The following HHAT variants were observed in gnomAD, a reference collection of about 807,000 sequenced individuals.
HHAT encodes the protein hedgehog acyltransferase.
HHAT carries 47 observed loss-of-function variants against 70.8 expected under a neutral mutation model. The observed-to-expected ratio is 0.66, with a 90% CI of 0.53 to 0.85. The LOEUF (loss-of-function observed/expected upper bound fraction) is 0.85, where lower values mean the gene tolerates loss of function less well. HHAT is among the 40% of genes least tolerant of loss of function. The pLI, the probability that HHAT is intolerant of heterozygous loss-of-function variation, is 0.00. For missense variants in HHAT, 609 were observed against 604.8 expected, an observed-to-expected ratio of 1.01 and a Z score of -0.07; for synonymous variants, 228 against 247.6, an observed-to-expected ratio of 0.92 and a Z score of 0.74.
At chr1:210,524,224 T>G (rs970340549) in intron 9 of HHAT, among the ~76,000 whole-genome samples, 2 of 152,168 alleles carry the variant, frequency 1.3e-5, no homozygotes, top group Non-Finnish European at 2.9e-5. Context: ...TGTTAACAGG[T>G]TAGATCTCAC....
chr1:210,493,901 A>T lies in HHAT; in HGVS notation c.1008-19252A>T, dbSNP rs963641493. 4.6e-5 allele frequency among the ~76,000 whole-genome samples: 7 copies of T among 152,334 alleles called. No individual in the cohort carries two copies. The East Asian group carries it at 1.2e-3, about 25-fold the overall frequency. On this transcript the variant is annotated intron_variant, in intron 8 of 11. Transcript: ENST00000261458. Reference sequence around the variant, plus strand: ...TCCCCACCTCAGCCTGGTTGTTATCATCAGACATGTCTTTCTTTGTCAATC... The same window carrying T: ...TCCCCACCTCAGCCTGGTTGTTATCTTCAGACATGTCTTTCTTTGTCAATC...
intron 4 of HHAT, among the ~76,000 whole-genome samples, chr1:210,396,882 G>C (rs894866101): frequency 2.0e-4 from 30 of 152,312 alleles, no homozygotes; most frequent in Admixed American, 7.8e-4. Context: ...GGATGGGGGT[G>C]ATCAGAGGAG....
Position 210,537,791 on chromosome 1 carries a change from T to C in HHAT, c.1043+24603T>C, listed in dbSNP as rs150093295. Among the ~76,000 whole-genome samples the C allele has an allele frequency of 4.0e-3, 602 of 152,308 alleles. 2 individuals carry two copies. Among genetic ancestry groups the C allele is most frequent in the African/African-American group, 0.012 (511 of 41,572 alleles). On this transcript the variant is annotated intron_variant, in intron 9 of 11. Coordinates refer to ENST00000261458, the MANE Select transcript of HHAT (RefSeq NM_018194.6). ...GAGTGTGTTGCTTGAGGAGATTTGA[T>C]TGTTGTTTAAGGAGAAACAGAACAA...
chr1:210,479,535 C>T (rs909692653), intron 8 of HHAT, among the ~76,000 whole-genome samples: 1 of 152,166 alleles, frequency 6.6e-6, no homozygotes, highest in African/African-American at 2.4e-5. Flanking sequence ...AAAATAAAAG[C>T]TTAGGTTAAA....
At chr1:210,614,750 T>A (rs558921163) in intron 10 of HHAT, among the ~76,000 whole-genome samples, 1,057 of 134,966 alleles carry the variant, frequency 7.8e-3, no homozygotes, top group South Asian at 0.013. Context: ...CTCATCATTT[T>A]TTATGGCTGC....
In HHAT at chr1:210,547,562, G is replaced by C. The variant is rs576224699; in HGVS notation, c.1043+34374G>C. On this transcript the variant is annotated intron_variant, in intron 9 of 11. Coordinates refer to ENST00000261458, the MANE Select transcript of HHAT (RefSeq NM_018194.6). ...TTATTTTATCTGCGTATTAAGGCAG[G>C]TCCCAAAGGGCCTCTATTTGGCAGT... is the stretch of plus-strand genomic sequence containing the variant. 2.6e-5 allele frequency among the ~76,000 whole-genome samples: 4 copies of C among 152,204 alleles called. No individual in the cohort carries two copies. The East Asian group carries it at 7.7e-4, about 29-fold the overall frequency.
intron 10 of HHAT, among the ~76,000 whole-genome samples, chr1:210,612,419 G>A (rs1666790065): frequency 6.6e-6 from 1 of 152,078 alleles, no homozygotes; most frequent in African/African-American, 2.4e-5. Context: ...GTCCCTTTGT[G>A]TCTGGCTTAT....
chr1:210,548,154 G>A (rs530562634), intron 9 of HHAT, among the ~76,000 whole-genome samples: 1 of 152,168 alleles, frequency 6.6e-6, no homozygotes, highest in African/African-American at 2.4e-5. Flanking sequence ...TCTGCTGTCA[G>A]TGCTCACTGT....
At chr1:210,503,511 A>G (rs1338043437) in intron 8 of HHAT, among the ~76,000 whole-genome samples, 1 of 152,160 alleles carries the variant, frequency 6.6e-6, no homozygotes, top group East Asian at 1.9e-4. Context: ...AATCACTGCC[A>G]TTTGCATTCA....
rs541374223 is a variant in HHAT, at chr1:210,425,138, A to G, written c.856+6813A>G. On this transcript the variant is annotated intron_variant, in intron 7 of 11. Transcript: ENST00000261458. ...TTTTTTCCCCACATGATTCTTGGCC[A>G]CATGTATGTCTTCTTTTGGAAAGTC... Among the ~76,000 whole-genome samples the G allele has an allele frequency of 9.2e-5, 14 of 152,258 alleles. No homozygotes were observed. The East Asian group carries it at 1.7e-3, about 19-fold the overall frequency.
At chr1:210,643,160 T>G (rs1573953815) in intron 11 of HHAT, among the ~76,000 whole-genome samples, 1 of 152,246 alleles carries the variant, frequency 6.6e-6, no homozygotes. Flanking sequence ...GTCCATGGTC[T>G]GTTTGCCTCT....
intron 9 of HHAT, among the ~76,000 whole-genome samples, chr1:210,527,501 G>C (rs532206324): frequency 1.2e-4 from 19 of 152,168 alleles, no homozygotes; most frequent in Non-Finnish European, 2.9e-5. Context: ...GTAATACAAT[G>C]GCTGTTAGCC....
At chr1:210,505,225 G>A (rs186171702) in intron 8 of HHAT, among the ~76,000 whole-genome samples, 1 of 152,246 alleles carries the variant, frequency 6.6e-6, no homozygotes, top group East Asian at 1.9e-4. Flanking sequence ...ACTGTGAGCA[G>A]GTTGAGACGT....
chr1:210,674,313 C>A lies in HHAT; in HGVS notation c.1416C>A (p.Val472=). 2 of 1,614,140 alleles carry A rather than the reference C, an allele frequency of 1.2e-6. No individual in the cohort carries two copies. Among genetic ancestry groups the A allele is most frequent in the Non-Finnish European group, 1.7e-6 (2 of 1,179,992 alleles). ...IQGWPWVTLS[V]LGFLYCYSHV... Reference sequence around the variant, plus strand: ...GCTGGCCTTGGGTGACCCTCTCTGTCCTGGGATTCCTGTACTGCTACTCCC... The same window carrying A: ...GCTGGCCTTGGGTGACCCTCTCTGTACTGGGATTCCTGTACTGCTACTCCC... The change falls in exon 12 of 12, where the codon GTC becomes GTA. Residue 472 remains valine, a synonymous_variant. Coordinates refer to ENST00000261458, the MANE Select transcript of HHAT (RefSeq NM_018194.6).
At chr1:210,665,392 T>C (rs1166566174) in intron 11 of HHAT, among the ~76,000 whole-genome samples, 2 of 152,188 alleles carry the variant, frequency 1.3e-5, no homozygotes, top group African/African-American at 4.8e-5. Flanking sequence ...TTCCTTAGAA[T>C]GGTTTTGAGT....
intron 9 of HHAT, among the ~76,000 whole-genome samples, chr1:210,523,131 C>A (rs1316738196): frequency 6.6e-6 from 1 of 152,018 alleles, no homozygotes; most frequent in Non-Finnish European, 1.5e-5. Context: ...AGCCCTGATG[C>A]TTCCCCTCCC....
chr1:210,644,094 T>C (rs1673524705), intron 11 of HHAT, among the ~76,000 whole-genome samples: 1 of 152,104 alleles, frequency 6.6e-6, no homozygotes, highest in African/African-American at 2.4e-5. Flanking sequence ...AAAAAGATGT[T>C]GGAGGAGAGA....
intron 8 of HHAT, among the ~76,000 whole-genome samples, chr1:210,509,288 A>G (rs2094914039): frequency 6.6e-6 from 1 of 152,210 alleles, no homozygotes; most frequent in East Asian, 1.9e-4. Flanking sequence ...TCTCATGAGC[A>G]TTTTTATGAG....
intron 7 of HHAT, among the ~76,000 whole-genome samples, chr1:210,460,489 T>G (rs891040268): frequency 3.3e-5 from 5 of 152,192 alleles, no homozygotes; most frequent in Admixed American, 6.5e-5. Flanking sequence ...ATGAATGGTG[T>G]CTGTTCCTCT....
Sources: allele counts gnomAD v4.1 joint callset (sites outside exome capture counted in the v4.1 genomes callset), GRCh38; gene constraint gnomAD v4.1.1; transcripts MANE v1.5; gene names NCBI Gene and HGNC (gene_info 2026-07-23, HGNC 2026-07-21).